Variants in IPCEF1 observed in about 807,000 individuals in gnomAD.
IPCEF1 encodes interaction protein for cytohesin exchange factors 1, also known as interactor protein for cytohesin exchange factors 1.
IPCEF1 carries 31 observed loss-of-function variants against 50.9 expected under a neutral mutation model. That is an observed-to-expected ratio of 0.61 (90% CI 0.46 to 0.82). IPCEF1 has a LOEUF of 0.82. Ranked by LOEUF, IPCEF1 falls within the 40% of genes least tolerant of loss-of-function variation. The pLI is 0.00. For synonymous variants in IPCEF1, 181 were observed against 192.0 expected (o/e 0.94, Z 0.47); for missense variants, 458 against 514.0 (o/e 0.89, Z 1.05).
intron 5 of IPCEF1, among the ~76,000 whole-genome samples, chr6:154,235,879 ATAAT>A (rs1485775752): frequency 2.0e-5 from 3 of 152,216 alleles, no homozygotes; most frequent in African/African-American, 7.2e-5. Context: ...GCGACTGTAA[ATAAT>A]TAATTAATTA....
rs767999754 is a variant in IPCEF1 at position 154,214,283 on chromosome 6, T to G, written c.393-7A>C. 1.9e-6 allele frequency: 3 copies of G among 1,603,386 alleles called. No homozygotes were observed. In the East Asian group the frequency reaches 6.7e-5, roughly 36 times the overall value. On this transcript the variant is annotated splice_polypyrimidine_tract_variant and splice_region_variant and intron_variant, in intron 7 of 11. Transcript: ENST00000367220. ...TCCAAGTTTATTTAACCACCTAAAA[T>G]TCAAATAGAAAGCAAATGTTGACCA...
intron 9 of IPCEF1, among the ~76,000 whole-genome samples, chr6:154,211,592 T>C (rs1777969735): frequency 6.6e-6 from 1 of 152,132 alleles, no homozygotes; most frequent in African/African-American, 2.4e-5. Flanking sequence ...TAGGAAACAA[T>C]TTTTGAAACC....
intron 3 of IPCEF1, among the ~76,000 whole-genome samples, chr6:154,252,820 C>A: frequency 6.6e-6 from 1 of 152,152 alleles, no homozygotes; most frequent in Non-Finnish European, 1.5e-5. Flanking sequence ...GACAGCATTG[C>A]AGACTACTCC....
chr6:154,223,439 C>A (rs1456565989), intron 5 of IPCEF1, among the ~76,000 whole-genome samples, 196 bp from the exon 6 acceptor site: 1 of 152,134 alleles, frequency 6.6e-6, no homozygotes, highest in East Asian at 1.9e-4. Context: ...TGATAAGTCA[C>A]CCAGAATCTT....
chr6:154,287,242 G>A (rs899853853), intron 2 of IPCEF1, among the ~76,000 whole-genome samples: 2 of 151,630 alleles, frequency 1.3e-5, no homozygotes, highest in Admixed American at 6.6e-5. Flanking sequence ...CACCATGACT[G>A]TAAGTTTCCT....
At chr6:154,301,565 G>A (rs532756958) in intron 1 of IPCEF1, among the ~76,000 whole-genome samples, 9 of 152,272 alleles carry the variant, frequency 5.9e-5, no homozygotes, top group African/African-American at 1.7e-4. Context: ...TTCTCAATCC[G>A]TGTCAAAGGC....
chr6:154,207,103 TA>T (rs1777561756), intron 9 of IPCEF1, among the ~76,000 whole-genome samples: 1 of 152,228 alleles, frequency 6.6e-6, no homozygotes, highest in African/African-American at 2.4e-5. Context: ...AATAGCCTGC[TA>T]TTTCAATAAC....
At chr6:154,329,790 T>C (rs1783615414) in intron 1 of IPCEF1, among the ~76,000 whole-genome samples, 1 of 152,156 alleles carries the variant, frequency 6.6e-6, no homozygotes, top group South Asian at 2.1e-4. Context: ...TAGTGGCGAA[T>C]TCACATGCTT....
intron 9 of IPCEF1, among the ~76,000 whole-genome samples, chr6:154,211,312 G>A (rs1777943263): frequency 6.6e-6 from 1 of 152,044 alleles, no homozygotes; most frequent in Admixed American, 6.6e-5. Context: ...GGGAGGCTGA[G>A]GCAGGAGAAT....
At chr6:154,187,249 C>A (rs1383275240) in intron 10 of IPCEF1, among the ~76,000 whole-genome samples, 1 of 152,104 alleles carries the variant, frequency 6.6e-6, no homozygotes, top group Non-Finnish European at 1.5e-5. Context: ...CCCCATACCC[C>A]ACCTCTGTCC....
intron 1 of IPCEF1, among the ~76,000 whole-genome samples, chr6:154,310,907 T>C (rs2128680542): frequency 6.6e-6 from 1 of 152,274 alleles, no homozygotes; most frequent in East Asian, 1.9e-4. Context: ...GAGTTTTAGT[T>C]AGACTGGAGG....
intron 1 of IPCEF1, among the ~76,000 whole-genome samples, chr6:154,316,946 A>G (rs1024235918): frequency 6.6e-6 from 1 of 152,182 alleles, no homozygotes; most frequent in Non-Finnish European, 1.5e-5. Flanking sequence ...GGATAGCCAT[A>G]TGAAAAAAAA....
At chr6:154,280,648 AC>A (rs1451841741) in intron 2 of IPCEF1, among the ~76,000 whole-genome samples, 2 of 152,234 alleles carry the variant, frequency 1.3e-5, no homozygotes, top group African/African-American at 4.8e-5. Context: ...AGGGAAGTGT[AC>A]TTGGGTCATA....
Position 154,266,013 on chromosome 6 carries a change from TA to T in IPCEF1, c.-17-50del, listed in dbSNP as rs1476737284. On this transcript the variant is annotated intron_variant, in intron 2 of 11. Transcript: ENST00000367220. ...GTTAAATGTGAGATTAAAGTGTTCA[TA>T]AAAACATATATCTCTTTGAGTGGGG... The T allele has an allele frequency of 4.0e-6, 4 of 1,011,992 alleles. No individual in the cohort carries two copies. In the South Asian group the frequency reaches 5.6e-5, roughly 14 times the overall value. 62.7% of individuals were successfully genotyped at this position (1,011,992 alleles called of 1,614,324 possible).
At chr6:154,276,551 T>C (rs932581836) in intron 2 of IPCEF1, among the ~76,000 whole-genome samples, 1 of 152,218 alleles carries the variant, frequency 6.6e-6, no homozygotes, top group African/African-American at 2.4e-5. Flanking sequence ...AAGTAACTTA[T>C]ACTTTAACAC....
At chr6:154,187,168 T>C (rs1429066727) in intron 10 of IPCEF1, among the ~76,000 whole-genome samples, 1 of 152,152 alleles carries the variant, frequency 6.6e-6, no homozygotes, top group African/African-American at 2.4e-5. Flanking sequence ...CTCCCCTCCA[T>C]AGTTTTCTGC....
chr6:154,198,641 C>A (rs1776821568), intron 10 of IPCEF1, among the ~76,000 whole-genome samples: 1 of 150,650 alleles, frequency 6.6e-6, no homozygotes, highest in Non-Finnish European at 1.5e-5. Flanking sequence ...TACACACACA[C>A]ACACACACAC....
intron 1 of IPCEF1, among the ~76,000 whole-genome samples, chr6:154,338,897 C>T (rs1783846412): frequency 6.6e-6 from 1 of 152,064 alleles, no homozygotes; most frequent in African/African-American, 2.4e-5. Context: ...AAGACTGCAA[C>T]ACTGCACTCC....
chr6:154,231,724 T>C (rs1415622197), intron 5 of IPCEF1, among the ~76,000 whole-genome samples: 2 of 151,586 alleles, frequency 1.3e-5, no homozygotes, highest in Admixed American at 6.6e-5. Flanking sequence ...CAAAAACAAA[T>C]AGAAAAGGGG....
Sources: allele counts gnomAD v4.1 joint callset (sites outside exome capture counted in the v4.1 genomes callset), GRCh38; gene constraint gnomAD v4.1.1; transcripts MANE v1.5; gene names NCBI Gene and HGNC (gene_info 2026-07-23, HGNC 2026-07-21).